The following NHSL1 variants were observed in gnomAD, a reference collection of about 807,000 sequenced individuals.
NHSL1 encodes NHS like 1, also known as NHS-like protein 1.
A neutral mutation model predicts 95.0 loss-of-function variants in NHSL1; 48 were observed. That is an observed-to-expected ratio of 0.51 (90% CI 0.40 to 0.64). The LOEUF (loss-of-function observed/expected upper bound fraction) is 0.64, where lower values mean the gene tolerates loss of function less well. Ranked by LOEUF, NHSL1 falls within the 30% of genes least tolerant of loss-of-function variation. NHSL1 has a pLI of 0.00. For missense variants in NHSL1, 1,971 were observed against 2,077.7 expected (o/e 0.95, Z 1.00); for synonymous variants, 783 against 833.9 (o/e 0.94, Z 1.05).
chr6:138,544,990 T>TTC (rs1554249209), intron 1 of NHSL1, among the ~76,000 whole-genome samples: 2 of 128,264 alleles, frequency 1.6e-5, no homozygotes, highest in Non-Finnish European at 3.1e-5. Context: ...TTTCTTTTTT[T>TTC]TTTTTTTTTT....
At chr6:138,607,004 C>G (rs1185820661) in intron 1 of NHSL1, among the ~76,000 whole-genome samples, 1 of 151,994 alleles carries the variant, frequency 6.6e-6, no homozygotes. Context: ...ACGCCCGGCC[C>G]CCATGCTACT....
intron 1 of NHSL1, among the ~76,000 whole-genome samples, chr6:138,532,725 C>A (rs915626498): frequency 1.2e-4 from 19 of 152,128 alleles, no homozygotes; most frequent in African/African-American, 4.3e-4. Flanking sequence ...AAATGTGAGA[C>A]TTGGGATCAG....
intron 1 of NHSL1, among the ~76,000 whole-genome samples, chr6:138,624,149 T>G (rs946083153): frequency 6.6e-6 from 1 of 152,164 alleles, no homozygotes; most frequent in Non-Finnish European, 1.5e-5. Context: ...TATTGATTGA[T>G]TGGCTGAGAA....
chr6:138,432,065 G>C lies in NHSL1; in HGVS notation c.2280C>G (p.Cys760Trp). 1.3e-6 allele frequency: 2 copies of C among 1,551,680 alleles called. No homozygotes were observed. The highest frequency in any genetic ancestry group is 1.7e-6 in the Non-Finnish European group (2 of 1,146,988). Residue 760 changes from cysteine to tryptophan, a missense_variant, in exon 6 of 8, where the codon TGC (cysteine) becomes TGG (tryptophan). By Grantham distance (215) the Cys-to-Trp change is radical (BLOSUM62 -2). Around this residue, in one of 3 missense-constraint regions of NHSL1, gnomAD observed 1,602 missense variants for 1,654.5 expected, o/e 0.97. Coordinates refer to ENST00000343505, the MANE Select transcript of NHSL1 (RefSeq NM_001144060.2). This position sits in a 1 kb window ranked among gnomAD's most constrained non-coding sequence, Gnocchi z 4.4. ...SATTPNVYSLCGATPSQSDTS... is the reference protein window; with the variant it reads ...SATTPNVYSLWGATPSQSDTS... ...TGTCACTCTGCGATGGCGTGGCCCCGCACAGGGAGTAGACATTGGGGGTGG... is the reference window on the plus strand; with the variant it reads ...TGTCACTCTGCGATGGCGTGGCCCCCCACAGGGAGTAGACATTGGGGGTGG...
rs997661483 is a variant in NHSL1, at chr6:138,619,195, G to A, written c.96+73281C>T. Among the ~76,000 whole-genome samples, 26 of 151,966 alleles carry A rather than the reference G, an allele frequency of 1.7e-4. 1 individual carries two copies. The highest frequency in any genetic ancestry group is 5.8e-4 in the African/African-American group (24 of 41,420). On this transcript the variant is annotated intron_variant, in intron 1 of 3. Transcript: ENST00000491526. The stretch of plus-strand genomic sequence containing the variant: ...TCTACTAAAAACACAAAAATTATCC[G>A]GGCATGGTGGTGGAAGCCTGTAATC...
At chr6:138,463,457 G>A (rs57865073) in intron 3 of NHSL1, among the ~76,000 whole-genome samples, 18,950 of 150,490 alleles carry the variant, frequency 0.13, 1,229 homozygotes, top group Middle Eastern at 0.17. Context: ...TATTCTTCTC[G>A]CAGGATAACT....
chr6:138,472,890 G>A (rs1778842311), intron 3 of NHSL1, among the ~76,000 whole-genome samples: 1 of 152,130 alleles, frequency 6.6e-6, no homozygotes, highest in Non-Finnish European at 1.5e-5. Context: ...ATTATGATCA[G>A]AGTTCTTCTT....
At chr6:138,493,884 G>A (rs757520058) in intron 2 of NHSL1, among the ~76,000 whole-genome samples, 5 of 152,102 alleles carry the variant, frequency 3.3e-5, no homozygotes, top group Admixed American at 6.5e-5. Flanking sequence ...ATTTACAAAC[G>A]AACCAAACGA....
intron 5 of NHSL1, among the ~76,000 whole-genome samples, chr6:138,441,010 A>T (rs1776492585): frequency 6.6e-6 from 1 of 152,248 alleles, no homozygotes; most frequent in South Asian, 2.1e-4. Context: ...TGACCACAGT[A>T]GCTATTACGT....
chr6:138,607,958 C>T (rs1331147741), intron 1 of NHSL1, among the ~76,000 whole-genome samples: 1 of 152,186 alleles, frequency 6.6e-6, no homozygotes, highest in Non-Finnish European at 1.5e-5. Context: ...GTGGCATTCC[C>T]ATGCACCCCA....
intron 1 of NHSL1, among the ~76,000 whole-genome samples, chr6:138,599,361 A>T (rs1219116648): frequency 1.3e-5 from 2 of 152,042 alleles, no homozygotes; most frequent in East Asian, 1.9e-4. Flanking sequence ...AAAGTACAGA[A>T]ATTAGCTGGG....
chr6:138,671,949 G>T (rs376828300), intron 1 of NHSL1, among the ~76,000 whole-genome samples: 5 of 54,252 alleles, frequency 9.2e-5, no homozygotes, highest in Non-Finnish European at 1.4e-4. Flanking sequence ...CCTATAGGGG[G>T]GTGGGTTGAG....
chr6:138,526,944 G>T (rs897085390), intron 1 of NHSL1, among the ~76,000 whole-genome samples: 3 of 152,138 alleles, frequency 2.0e-5, no homozygotes, highest in South Asian at 2.1e-4. Flanking sequence ...TTTGTCATTC[G>T]TGGTAGTTTT....
intron 1 of NHSL1, among the ~76,000 whole-genome samples, chr6:138,615,558 C>A (rs556709522): frequency 6.6e-6 from 1 of 152,236 alleles, no homozygotes; most frequent in Non-Finnish European, 1.5e-5. Flanking sequence ...GCAACCTCCG[C>A]CTCCCAGGTT....
At chr6:138,465,022 G>A (rs1778267385) in intron 3 of NHSL1, among the ~76,000 whole-genome samples, 1 of 142,426 alleles carries the variant, frequency 7.0e-6, no homozygotes, top group East Asian at 2.1e-4. Context: ...TCTCTTCACT[G>A]TATGTTTTAC....
At chr6:138,474,183 A>C (rs1778927442) in intron 2 of NHSL1, among the ~76,000 whole-genome samples, 1 of 152,182 alleles carries the variant, frequency 6.6e-6, no homozygotes, top group Non-Finnish European at 1.5e-5. Flanking sequence ...GAAAACTTCC[A>C]ATGGCTCTTT....
intron 1 of NHSL1, among the ~76,000 whole-genome samples, chr6:138,553,830 T>G (rs1783098059): frequency 6.6e-6 from 1 of 152,228 alleles, no homozygotes; most frequent in Non-Finnish European, 1.5e-5. Flanking sequence ...GAGTCTCATT[T>G]ACAAACACAC....
chr6:138,645,840 C>T (rs1405160712), intron 1 of NHSL1, among the ~76,000 whole-genome samples: 2 of 152,096 alleles, frequency 1.3e-5, no homozygotes, highest in Non-Finnish European at 2.9e-5. Flanking sequence ...CAAACATCAC[C>T]AGAGCAGGAA....
chr6:138,423,965 G>A lies in NHSL1; in HGVS notation c.*116C>T, dbSNP rs1020075336. The A allele has an allele frequency of 2.7e-6, 3 of 1,120,642 alleles. No individual in the cohort carries two copies. Among genetic ancestry groups the A allele is most frequent in the African/African-American group, 1.6e-5 (1 of 62,094 alleles). 69.4% of individuals were successfully genotyped at this position (1,120,642 alleles called of 1,614,324 possible). Reference sequence around the variant, plus strand: ...AGGGCTGGCAACCCCGGGGCCCACAGCACAGAAGCAGAGTGGGCTCCCCGG... The same window carrying A: ...AGGGCTGGCAACCCCGGGGCCCACAACACAGAAGCAGAGTGGGCTCCCCGG... On this transcript the variant is annotated 3_prime_UTR_variant, in exon 8 of 8. Coordinates refer to ENST00000343505, the MANE Select transcript of NHSL1 (RefSeq NM_001144060.2).
Sources: gnomAD v4.1 joint callset for allele counts (sites outside exome capture counted in the v4.1 genomes callset) on GRCh38, gnomAD v4.1.1 for gene constraint, gnomAD v4.1.1 regional missense constraint, Gnocchi (gnomAD v3.1) non-coding constraint, MANE v1.5 for transcripts, NCBI Gene and HGNC (gene_info 2026-07-23, HGNC 2026-07-21) for gene names.